The following C7orf78 variants were observed in gnomAD, a reference collection of about 807,000 sequenced individuals.
C7orf78 encodes chromosome 7 open reading frame 78, also known as putative uncharacterized protein C7orf78.
At chr7:12,529,443 G>A in the C7orf78 span, among the ~76,000 whole-genome samples, 1 of 152,072 alleles carries the variant, frequency 6.6e-6, no homozygotes, top group Non-Finnish European at 1.5e-5. Context: ...ATAGCTATAG[G>A]GAATACAGTG....
At chr7:12,494,339 T>C in the C7orf78 span, among the ~76,000 whole-genome samples, 5 of 152,164 alleles carry the variant, frequency 3.3e-5, no homozygotes, top group African/African-American at 1.2e-4. Flanking sequence ...TGGAACAAGA[T>C]AATTCCTTCT....
chr7:12,530,102 C>T, the C7orf78 span, among the ~76,000 whole-genome samples: 1 of 152,106 alleles, frequency 6.6e-6, no homozygotes, highest in Non-Finnish European at 1.5e-5. Flanking sequence ...GTCCCGCCTC[C>T]TACCTCAGAT....
chr7:12,507,886 C>T, the C7orf78 span, among the ~76,000 whole-genome samples: 1 of 151,850 alleles, frequency 6.6e-6, no homozygotes, highest in Non-Finnish European at 1.5e-5. Flanking sequence ...ATAGTTTATA[C>T]AAATCTTTAA....
At chr7:12,526,913 G>T in the C7orf78 span, among the ~76,000 whole-genome samples, 3 of 152,010 alleles carry the variant, frequency 2.0e-5, no homozygotes, top group Admixed American at 6.6e-5. Context: ...ATGCCGTCTA[G>T]CTGTGTAACT....
At chr7:12,522,425 A>G in the C7orf78 span, among the ~76,000 whole-genome samples, 21 of 152,142 alleles carry the variant, frequency 1.4e-4, no homozygotes, top group African/African-American at 2.4e-5. Context: ...TTTCAATAGC[A>G]GTAATTACAA....
At chr7:12,529,098 A>G in the C7orf78 span, 1 of 398,226 alleles carries the variant, frequency 2.5e-6, no homozygotes, top group Non-Finnish European at 4.4e-6. Context: ...ACTGTTGTCG[A>G]CAATTGCTTT....
At chr7:12,492,667 C>A in the C7orf78 span, among the ~76,000 whole-genome samples, 1 of 152,166 alleles carries the variant, frequency 6.6e-6, no homozygotes, top group African/African-American at 2.4e-5. Context: ...TGCTGACAGC[C>A]AAATCCCAGT....
At chr7:12,497,431 G>A in the C7orf78 span, among the ~76,000 whole-genome samples, 1 of 152,212 alleles carries the variant, frequency 6.6e-6, no homozygotes, top group Non-Finnish European at 1.5e-5. Flanking sequence ...AGGGGTCAGG[G>A]AGTTCCCTTT....
the C7orf78 span, chr7:12,523,080 A>C: frequency 1.0e-5 from 4 of 398,210 alleles, no homozygotes; most frequent in Non-Finnish European, 1.8e-5. Context: ...CAGGATCTCA[A>C]CTCCAAATGG....
the C7orf78 span, among the ~76,000 whole-genome samples, chr7:12,505,483 G>A: frequency 0.049 from 7,410 of 152,162 alleles, 237 homozygotes; most frequent in Middle Eastern, 0.071. Flanking sequence ...TCCTGATACA[G>A]AGATTTGAAA....
chr7:12,541,391 G>A, the C7orf78 span: 1 of 152,238 alleles, frequency 6.6e-6, no homozygotes, highest in East Asian at 1.9e-4. Flanking sequence ...ACTAAAGGAT[G>A]ACTGTTATGC....
At chr7:12,492,259 A>T in the C7orf78 span, among the ~76,000 whole-genome samples, 3 of 152,060 alleles carry the variant, frequency 2.0e-5, no homozygotes, top group African/African-American at 7.2e-5. Flanking sequence ...TTTTAGAAAT[A>T]AAAAAAATAC....
the C7orf78 span, among the ~76,000 whole-genome samples, chr7:12,501,765 C>G: frequency 4.7e-5 from 7 of 147,458 alleles, no homozygotes; most frequent in East Asian, 1.2e-3. Flanking sequence ...AAAGAGCCCA[C>G]ATTGCCAAGT....
the C7orf78 span, among the ~76,000 whole-genome samples, chr7:12,526,600 C>T: frequency 6.6e-6 from 1 of 152,068 alleles, no homozygotes; most frequent in Non-Finnish European, 1.5e-5. Flanking sequence ...AATTTTATAC[C>T]TGTAAAACTA....
At chr7:12,534,884 G>A in the C7orf78 span, among the ~76,000 whole-genome samples, 10 of 151,928 alleles carry the variant, frequency 6.6e-5, no homozygotes, top group African/African-American at 2.4e-4. Flanking sequence ...AGCCCAGAAG[G>A]TTGAGGCTGC....
At chr7:12,492,069 G>A in the C7orf78 span, 1 of 152,110 alleles carries the variant, frequency 6.6e-6, no homozygotes, top group Admixed American at 6.5e-5. Context: ...CTTGGGTTTT[G>A]TATGCTGACT....
the C7orf78 span, among the ~76,000 whole-genome samples, chr7:12,526,586 A>C: frequency 2.6e-5 from 4 of 152,194 alleles, no homozygotes; most frequent in African/African-American, 9.6e-5. Context: ...AATAACGAGC[A>C]AATAATTTTA....
the C7orf78 span, among the ~76,000 whole-genome samples, chr7:12,501,436 A>C: frequency 6.6e-6 from 1 of 151,958 alleles, no homozygotes; most frequent in Non-Finnish European, 1.5e-5. Flanking sequence ...ATACACCAAC[A>C]ACAGACAAAC....
At chr7:12,519,163 C>T in the C7orf78 span, among the ~76,000 whole-genome samples, 2 of 152,128 alleles carry the variant, frequency 1.3e-5, no homozygotes, top group South Asian at 2.1e-4. Context: ...CCACCCACAA[C>T]CCAAACATGT....
Sources: gnomAD v4.1 joint callset for allele counts (sites outside exome capture counted in the v4.1 genomes callset) on GRCh38, gnomAD v4.1.1 for gene constraint, MANE v1.5 for transcripts, NCBI Gene and HGNC (gene_info 2026-07-23, HGNC 2026-07-21) for gene names.